The following KMT2C variants were observed in gnomAD, a reference collection of about 807,000 sequenced individuals.
KMT2C encodes lysine methyltransferase 2C, also known as histone-lysine N-methyltransferase 2C.
KMT2C carries 88 observed loss-of-function variants against 507.9 expected under a neutral mutation model. That is an observed-to-expected ratio of 0.17 (90% CI 0.15 to 0.21). The LOEUF is 0.21. Among genes scored for constraint, KMT2C ranks in the 10% least tolerant of loss-of-function variants. The pLI, the probability that KMT2C is intolerant of heterozygous loss-of-function variation, is 1.00. For missense variants in KMT2C, 4,954 were observed against 5,957.8 expected, an observed-to-expected ratio of 0.83 and a Z score of 5.55; for synonymous variants, 2,049 against 2,080.8, an observed-to-expected ratio of 0.98 and a Z score of 0.42.
chr7:152,351,569 G>A (rs2097111008), intron 2 of KMT2C, among the ~76,000 whole-genome samples: 1 of 152,210 alleles, frequency 6.6e-6, no homozygotes, highest in Non-Finnish European at 1.5e-5. Flanking sequence ...AGTAACAATT[G>A]TAATATGCAT....
intron 3 of KMT2C, among the ~76,000 whole-genome samples, chr7:152,330,069 G>A (rs182684158): frequency 6.9e-6 from 1 of 144,284 alleles, no homozygotes; most frequent in Non-Finnish European, 1.5e-5. Flanking sequence ...TCTTGAACCA[G>A]GGAATTGGAG....
intron 2 of KMT2C, among the ~76,000 whole-genome samples, chr7:152,339,877 AAAT>A (rs1453558113): frequency 1.3e-5 from 2 of 152,194 alleles, no homozygotes; most frequent in Non-Finnish European, 2.9e-5. Flanking sequence ...GCACAGAGAA[AAAT>A]AATATATTTA....
intron 25 of KMT2C, among the ~76,000 whole-genome samples, chr7:152,204,636 T>TAGATAGATAGATAGATAGATAGAC (rs376481420): frequency 3.1e-5 from 4 of 127,476 alleles, no homozygotes; most frequent in African/African-American, 1.1e-4. Context: ...GATAGATAGA[T>TAGATAGATAGATAGATAGATAGAC]AGACAGACAG....
chr7:152,196,423 T>C (rs1343816417), intron 27 of KMT2C, among the ~76,000 whole-genome samples: 1 of 143,670 alleles, frequency 7.0e-6, no homozygotes, highest in Non-Finnish European at 1.5e-5. Flanking sequence ...AGAAATTCCA[T>C]ATGGAGCACA....
chr7:152,256,510 G>T (rs2095664626), intron 9 of KMT2C, among the ~76,000 whole-genome samples: 1 of 152,008 alleles, frequency 6.6e-6, no homozygotes, highest in South Asian at 2.1e-4. Flanking sequence ...AGTGAACTAT[G>T]ACCATACCAC....
chr7:152,344,076 ATTGC>A, intron 2 of KMT2C, among the ~76,000 whole-genome samples: 1 of 152,354 alleles, frequency 6.6e-6, no homozygotes, highest in African/African-American at 2.4e-5. Context: ...TTCAATTATG[ATTGC>A]TTATGTATAA....
intron 20 of KMT2C, among the ~76,000 whole-genome samples, chr7:152,223,287 G>A (rs567658907): frequency 6.6e-5 from 10 of 152,142 alleles, no homozygotes; most frequent in South Asian, 2.1e-4. Flanking sequence ...ACATAATTAC[G>A]TAGGGAGGGC....
At chr7:152,371,422 C>CA (rs1225767069) in intron 1 of KMT2C, among the ~76,000 whole-genome samples, 5 of 151,926 alleles carry the variant, frequency 3.3e-5, no homozygotes, top group Non-Finnish European at 5.9e-5. Flanking sequence ...ATATCACTAT[C>CA]AAAAAAATCA....
intron 25 of KMT2C, 44 bp downstream of exon 25, chr7:152,205,062 G>A (rs1163379850): frequency 7.7e-7 from 1 of 1,301,002 alleles, no homozygotes; most frequent in Non-Finnish European, 1.1e-6. Flanking sequence ...CAAGACCAAA[G>A]GGTTACATTA....
intron 1 of KMT2C, among the ~76,000 whole-genome samples, chr7:152,431,106 A>G (rs1456489411): frequency 6.6e-6 from 1 of 152,190 alleles, no homozygotes; most frequent in East Asian, 1.9e-4. Flanking sequence ...GTAATAAATC[A>G]CAAGTGTCAG....
chr7:152,174,314 T>C, intron 38 of KMT2C, 72 bp from the exon 39 acceptor site: 1 of 701,290 alleles, frequency 1.4e-6, no homozygotes, highest in South Asian at 2.0e-5. Context: ...AATTCAAATA[T>C]TACAAGCTCT....
At chr7:152,337,718 T>TA (rs892635309) in intron 2 of KMT2C, among the ~76,000 whole-genome samples, 50 of 147,828 alleles carry the variant, frequency 3.4e-4, no homozygotes, top group Middle Eastern at 3.5e-3. Flanking sequence ...GATCCAAAAA[T>TA]AAAAAAAAAA....
intron 2 of KMT2C, among the ~76,000 whole-genome samples, chr7:152,347,555 C>T (rs893538169): frequency 2.0e-5 from 3 of 152,094 alleles, no homozygotes; most frequent in Non-Finnish European, 4.4e-5. Flanking sequence ...AGGAGGTGGC[C>T]ACATAATTAT....
chr7:152,211,024 G>GA (rs1415894594), intron 23 of KMT2C, among the ~76,000 whole-genome samples: 1 of 151,914 alleles, frequency 6.6e-6, no homozygotes, highest in East Asian at 1.9e-4. Flanking sequence ...ACAGCAGACT[G>GA]AAAGAGACCA....
chr7:152,327,045 A>G (rs1331070594), intron 3 of KMT2C, among the ~76,000 whole-genome samples: 1 of 152,214 alleles, frequency 6.6e-6, no homozygotes, highest in Admixed American at 6.5e-5. Context: ...CTCAGTGTAC[A>G]TTCACTCTGT....
intron 18 of KMT2C, among the ~76,000 whole-genome samples, chr7:152,225,653 G>C (rs1311783758): frequency 2.0e-5 from 3 of 152,090 alleles, no homozygotes; most frequent in African/African-American, 2.4e-5. Context: ...GGAAGACTTG[G>C]GATCTATAAA....
At chr7:152,169,411 T>C (rs973115222) in intron 40 of KMT2C, among the ~76,000 whole-genome samples, 162 bp from the exon 41 acceptor site, 1 of 152,210 alleles carries the variant, frequency 6.6e-6, no homozygotes, top group Non-Finnish European at 1.5e-5. Context: ...GTGAATTTAG[T>C]GGTGGCAACC....
intron 42 of KMT2C, among the ~76,000 whole-genome samples, chr7:152,164,850 C>A (rs1179035279): frequency 6.6e-6 from 1 of 152,182 alleles, no homozygotes; most frequent in African/African-American, 2.4e-5. Context: ...AGATATCAAT[C>A]AAGACGCAAA....
rs1415192912 is a variant in KMT2C, at chr7:152,144,985, C to T, written c.14175-104G>A. The T allele has an allele frequency of 7.1e-7, 1 of 1,400,702 alleles. No individual in the cohort carries two copies. Among genetic ancestry groups the T allele is most frequent in the Non-Finnish European group, 9.7e-7 (1 of 1,035,966 alleles). 86.8% of individuals were successfully genotyped at this position (1,400,702 alleles called of 1,614,324 possible). A position where few individuals can be genotyped will look rare whatever the true frequency, so the allele number is the denominator to read the frequency against. On this transcript the variant is annotated intron_variant, in intron 54 of 58. Coordinates refer to ENST00000262189, the MANE Select transcript of KMT2C (RefSeq NM_170606.3). This position sits in a 1 kb window ranked among gnomAD's most constrained non-coding sequence, Gnocchi z 4.4. Reference sequence around the variant, plus strand: ...TAATTCAGATTCTTACTGACAGAAACATACATGGAAAGCTGCCTAGCAGAG... The same window carrying T: ...TAATTCAGATTCTTACTGACAGAAATATACATGGAAAGCTGCCTAGCAGAG...
Sources: allele counts gnomAD v4.1 joint callset (sites outside exome capture counted in the v4.1 genomes callset), GRCh38; gene constraint gnomAD v4.1.1; non-coding constraint Gnocchi (gnomAD v3.1); transcripts MANE v1.5; gene names NCBI Gene and HGNC (gene_info 2026-07-23, HGNC 2026-07-21).